The following PTN variants were observed in gnomAD, a reference collection of about 807,000 sequenced individuals.
PTN encodes heparin affin regulatory protein.
PTN carries 18 observed loss-of-function variants against 24.1 expected under a neutral mutation model. The observed-to-expected ratio is 0.75, with a 90% CI of 0.52 to 1.11. The LOEUF (loss-of-function observed/expected upper bound fraction) is 1.11. Among genes scored for constraint, PTN ranks in the 50% least tolerant of loss-of-function variants. The pLI is 0.00. For synonymous variants in PTN, 78 were observed against 68.6 expected, an observed-to-expected ratio of 1.14 and a Z score of -0.67; for missense variants, 163 against 198.8, an observed-to-expected ratio of 0.82 and a Z score of 1.08.
At chr7:137,283,167 T>C (rs889990956) in intron 1 of PTN, among the ~76,000 whole-genome samples, 5 of 152,120 alleles carry the variant, frequency 3.3e-5, no homozygotes, top group African/African-American at 4.8e-5. Context: ...AAGGTAAAGA[T>C]GAGATGTGTA....
At chr7:137,288,420 C>G (rs967829363) in intron 1 of PTN, among the ~76,000 whole-genome samples, 5 of 152,164 alleles carry the variant, frequency 3.3e-5, no homozygotes, top group African/African-American at 1.2e-4. Flanking sequence ...GTGAAACACA[C>G]CTTGCCCACC....
At chr7:137,232,041 A>G (rs1808435537) in intron 4 of PTN, among the ~76,000 whole-genome samples, 1 of 151,990 alleles carries the variant, frequency 6.6e-6, no homozygotes, top group Non-Finnish European at 1.5e-5. Context: ...CTGAGAGCCA[A>G]TAGGATTCCT....
intron 1 of PTN, among the ~76,000 whole-genome samples, chr7:137,306,426 C>G (rs1809889400): frequency 1.3e-5 from 2 of 152,018 alleles, no homozygotes; most frequent in Non-Finnish European, 2.9e-5. Flanking sequence ...AAATTCACCT[C>G]ACTTCATGCT....
intron 1 of PTN, among the ~76,000 whole-genome samples, chr7:137,283,321 T>G (rs1001659388): frequency 1.3e-5 from 2 of 152,210 alleles, no homozygotes; most frequent in African/African-American, 4.8e-5. Context: ...GAGCTGAACT[T>G]GCCAGCTTTG....
chr7:137,276,189 T>G (rs1809356320), intron 1 of PTN, among the ~76,000 whole-genome samples: 1 of 152,094 alleles, frequency 6.6e-6, no homozygotes, highest in Non-Finnish European at 1.5e-5. Flanking sequence ...ATCTGGGAAG[T>G]GAGAATTTTG....
At chr7:137,310,532 G>C (rs936565294) in intron 1 of PTN, among the ~76,000 whole-genome samples, 1 of 151,674 alleles carries the variant, frequency 6.6e-6, no homozygotes, top group African/African-American at 2.4e-5. Context: ...TGAGTAGCTG[G>C]GATTACAGGC....
chr7:137,238,420 A>G (rs1808562041), intron 4 of PTN, among the ~76,000 whole-genome samples: 1 of 152,236 alleles, frequency 6.6e-6, no homozygotes, highest in African/African-American at 2.4e-5. Flanking sequence ...ACTAAGAGTG[A>G]TCATTTGTTT....
chr7:137,306,249 T>C (rs928469939), intron 1 of PTN, among the ~76,000 whole-genome samples: 55 of 152,084 alleles, frequency 3.6e-4, no homozygotes, highest in African/African-American at 1.3e-3. Context: ...TATTCACCCA[T>C]TATTATGAAA....
At chr7:137,258,484 C>A (rs1435192633) in intron 1 of PTN, among the ~76,000 whole-genome samples, 2 of 152,128 alleles carry the variant, frequency 1.3e-5, no homozygotes, top group Non-Finnish European at 2.9e-5. Flanking sequence ...AGCCTCTTCT[C>A]CCCTTCCTTC....
intron 1 of PTN, among the ~76,000 whole-genome samples, chr7:137,318,352 A>G (rs111240603): frequency 2.4e-3 from 366 of 152,306 alleles, no homozygotes; most frequent in Non-Finnish European, 4.2e-3. Context: ...TCAACACTTC[A>G]TCTCTCTCTT....
intron 1 of PTN, among the ~76,000 whole-genome samples, chr7:137,268,435 G>A (rs1809202614): frequency 6.6e-6 from 1 of 151,810 alleles, no homozygotes; most frequent in Non-Finnish European, 1.5e-5. Context: ...GCAGCCTAGC[G>A]TCTTAAAATC....
chr7:137,269,663 T>C, intron 1 of PTN, among the ~76,000 whole-genome samples: 1 of 140,256 alleles, frequency 7.1e-6, no homozygotes, highest in African/African-American at 2.8e-5. Context: ...AGACGGAATC[T>C]TGCTCTGTCA....
At chr7:137,233,373 C>T (rs575414365) in intron 4 of PTN, among the ~76,000 whole-genome samples, 17 of 152,010 alleles carry the variant, frequency 1.1e-4, no homozygotes, top group African/African-American at 4.1e-4. Flanking sequence ...CCTCAGAGGG[C>T]CAGTGTTAGT....
intron 1 of PTN, among the ~76,000 whole-genome samples, chr7:137,264,850 G>T (rs1047272221): frequency 6.6e-6 from 1 of 152,154 alleles, no homozygotes; most frequent in Non-Finnish European, 1.5e-5. Flanking sequence ...TGCTAACAGG[G>T]TCATTGCTGC....
At chr7:137,319,665 A>G (rs1253647567) in intron 1 of PTN, among the ~76,000 whole-genome samples, 1 of 152,192 alleles carries the variant, frequency 6.6e-6, no homozygotes, top group East Asian at 1.9e-4. Context: ...TGTGTCCACA[A>G]AGGGTATTCA....
intron 1 of PTN, among the ~76,000 whole-genome samples, chr7:137,340,295 C>CTT (rs1439321092): frequency 6.6e-6 from 1 of 152,104 alleles, no homozygotes; most frequent in Non-Finnish European, 1.5e-5. Flanking sequence ...CATAGCTACC[C>CTT]TTTTAAGATA....
In PTN at chr7:137,251,411, A is replaced by C. The variant is rs768787113; in HGVS notation, c.290-20T>G. 1.9e-6 allele frequency: 3 copies of C among 1,608,296 alleles called. No individual in the cohort carries two copies. Among genetic ancestry groups the C allele is most frequent in the Non-Finnish European group, 2.6e-6 (3 of 1,176,116 alleles). On this transcript the variant is annotated intron_variant, in intron 3 of 4. Coordinates refer to ENST00000348225, the MANE Select transcript of PTN (RefSeq NM_002825.7). ...ACTCCGCTAAAGGCAGGGTAGAACC[A>C]AACAGAAATCCTTGAAAGATCCTAT...
chr7:137,292,477 C>T (rs941321213), intron 1 of PTN, among the ~76,000 whole-genome samples: 1 of 152,110 alleles, frequency 6.6e-6, no homozygotes, highest in African/African-American at 2.4e-5. Context: ...CCTGAATACA[C>T]CCTCTTGCCT....
At chr7:137,340,364 T>C (rs1392679689) in intron 1 of PTN, among the ~76,000 whole-genome samples, 1 of 152,206 alleles carries the variant, frequency 6.6e-6, no homozygotes, top group Non-Finnish European at 1.5e-5. Flanking sequence ...GTTTGTTATA[T>C]TTTACAATCT....
Sources: gnomAD v4.1 joint callset for allele counts (sites outside exome capture counted in the v4.1 genomes callset) on GRCh38, gnomAD v4.1.1 for gene constraint, MANE v1.5 for transcripts, NCBI Gene and HGNC (gene_info 2026-07-23, HGNC 2026-07-21) for gene names.